The following ARB2A variants were observed in gnomAD, a reference collection of about 807,000 sequenced individuals.
The protein encoded by ARB2A is ARB2 cotranscriptional regulator A, also known as cotranscriptional regulator ARB2A.
chr5:93,830,311 G>GTGTATGTGTGTA, the ARB2A span, among the ~76,000 whole-genome samples: 4 of 82,260 alleles, frequency 4.9e-5, no homozygotes, highest in African/African-American at 1.0e-4. Context: ...GTGTGTGTGT[G>GTGTATGTGTGTA]TATATATATA....
At chr5:94,050,016 T>C in the ARB2A span, among the ~76,000 whole-genome samples, 1 of 152,008 alleles carries the variant, frequency 6.6e-6, no homozygotes, top group African/African-American at 2.4e-5. Context: ...CACAGCTCCC[T>C]GCAGCCTTGA....
chr5:93,983,086 A>C, the ARB2A span, among the ~76,000 whole-genome samples: 1 of 152,106 alleles, frequency 6.6e-6, no homozygotes, highest in Non-Finnish European at 1.5e-5. Context: ...TAGAGTAGAA[A>C]GACAATATTT....
the ARB2A span, among the ~76,000 whole-genome samples, chr5:94,106,563 G>A: frequency 3.3e-5 from 5 of 152,188 alleles, no homozygotes; most frequent in African/African-American, 1.2e-4. Context: ...AAGCAGTTTG[G>A]AAATTTCTAA....
the ARB2A span, among the ~76,000 whole-genome samples, chr5:93,884,840 G>C: frequency 3.6e-4 from 55 of 151,508 alleles, no homozygotes; most frequent in African/African-American, 1.3e-3. Context: ...TTTGTAATGA[G>C]TAGCAGAAAG....
chr5:93,621,170 G>A, the ARB2A span: 4 of 1,549,200 alleles, frequency 2.6e-6, no homozygotes, highest in Admixed American at 5.6e-5. Flanking sequence ...TGGCCACGCG[G>A]GGCCAGGCGC....
the ARB2A span, among the ~76,000 whole-genome samples, chr5:93,813,263 T>C: frequency 6.6e-6 from 1 of 152,168 alleles, no homozygotes. Flanking sequence ...TGAGATAAAG[T>C]GGCAAAGAAC....
At chr5:93,743,804 T>C in the ARB2A span, among the ~76,000 whole-genome samples, 1 of 151,922 alleles carries the variant, frequency 6.6e-6, no homozygotes, top group Admixed American at 6.6e-5. Context: ...GTAGCTGGGA[T>C]TACAGGCGCC....
At chr5:93,884,462 A>G in the ARB2A span, among the ~76,000 whole-genome samples, 3 of 151,674 alleles carry the variant, frequency 2.0e-5, no homozygotes, top group Non-Finnish European at 4.4e-5. Context: ...GTTCAATATC[A>G]TAAAGGCACA....
chr5:94,003,616 A>C, the ARB2A span, among the ~76,000 whole-genome samples: 11 of 152,272 alleles, frequency 7.2e-5, no homozygotes, highest in South Asian at 1.2e-3. Context: ...ACAATCAATT[A>C]AAAAATGAAA....
chr5:93,782,903 T>C, the ARB2A span, among the ~76,000 whole-genome samples: 1 of 152,106 alleles, frequency 6.6e-6, no homozygotes, highest in Non-Finnish European at 1.5e-5. Context: ...AGGGCATTTA[T>C]AAAATTTTAT....
At chr5:93,765,366 T>C in the ARB2A span, among the ~76,000 whole-genome samples, 1 of 152,236 alleles carries the variant, frequency 6.6e-6, no homozygotes, top group South Asian at 2.1e-4. Flanking sequence ...AGAAAATCAA[T>C]GTGCAAAAAT....
At chr5:93,794,271 G>C in the ARB2A span, among the ~76,000 whole-genome samples, 2 of 151,948 alleles carry the variant, frequency 1.3e-5, no homozygotes, top group African/African-American at 4.8e-5. Flanking sequence ...TCCAGAAGTT[G>C]TAACTGTTTT....
chr5:93,841,087 A>G, the ARB2A span, among the ~76,000 whole-genome samples: 1 of 152,146 alleles, frequency 6.6e-6, no homozygotes, highest in Admixed American at 6.5e-5. Flanking sequence ...TCACTTTAAT[A>G]AAATTTAGGT....
At chr5:93,933,594 T>C in the ARB2A span, among the ~76,000 whole-genome samples, 10 of 152,044 alleles carry the variant, frequency 6.6e-5, no homozygotes, top group East Asian at 1.9e-4. Context: ...TAAGTGGCAG[T>C]TGAACAATAA....
chr5:93,981,442 T>C, the ARB2A span, among the ~76,000 whole-genome samples: 9 of 152,096 alleles, frequency 5.9e-5, no homozygotes, highest in African/African-American at 2.2e-4. Context: ...TAGTTTTACT[T>C]AATCCTAACT....
chr5:93,906,319 T>C, the ARB2A span, among the ~76,000 whole-genome samples: 3 of 151,466 alleles, frequency 2.0e-5, no homozygotes, highest in Non-Finnish European at 4.4e-5. Context: ...AAGGAGAGGC[T>C]ATGAGATGGT....
chr5:93,621,799 C>T, the ARB2A span, among the ~76,000 whole-genome samples: 1 of 152,144 alleles, frequency 6.6e-6, no homozygotes, highest in African/African-American at 2.4e-5. Context: ...GGGATTACGC[C>T]TTGAAGTGTC....
At chr5:93,709,449 A>G in the ARB2A span, among the ~76,000 whole-genome samples, 4 of 151,950 alleles carry the variant, frequency 2.6e-5, no homozygotes, top group Admixed American at 6.6e-5. Context: ...CCTGGCCAAC[A>G]TGGTGAAACC....
chr5:93,908,773 TAA>T, the ARB2A span, among the ~76,000 whole-genome samples: 1 of 150,920 alleles, frequency 6.6e-6, no homozygotes, highest in Non-Finnish European at 1.5e-5. Context: ...AAGAGATTAT[TAA>T]AACAAAAGTA....
Sources: gnomAD v4.1 joint callset for allele counts (sites outside exome capture counted in the v4.1 genomes callset) on GRCh38, gnomAD v4.1.1 for gene constraint, MANE v1.5 for transcripts, NCBI Gene and HGNC (gene_info 2026-07-23, HGNC 2026-07-21) for gene names.